Variants in ST7L observed in about 807,000 individuals in gnomAD.
ST7L encodes suppressor of tumorigenicity 7 protein-like.
A neutral mutation model predicts 72.5 loss-of-function variants in ST7L; 57 were observed. The ratio of observed to expected loss-of-function variants is 0.79; its 90% CI spans 0.64 to 0.98. The LOEUF is 0.98. Among genes scored for constraint, ST7L ranks in the 50% least tolerant of loss-of-function variants. The pLI is 0.00. For missense variants in ST7L, 576 were observed against 672.2 expected (o/e 0.86, Z 1.58); for synonymous variants, 221 against 240.9 (o/e 0.92, Z 0.77).
At chr1:112,564,928 A>G (rs904930156) in intron 11 of ST7L, among the ~76,000 whole-genome samples, 2 of 151,606 alleles carry the variant, frequency 1.3e-5, no homozygotes, top group Non-Finnish European at 2.9e-5. Context: ...CTTTCTATGT[A>G]TCAATTTATT....
intron 10 of ST7L, among the ~76,000 whole-genome samples, chr1:112,577,797 TAAAAATCTAAGGTGAAAGA>T (rs1453188909): frequency 6.6e-6 from 1 of 152,142 alleles, no homozygotes; most frequent in Non-Finnish European, 1.5e-5. Flanking sequence ...TATCAAAGCA[TAAAAATCTAAGGTGAAAGA>T]AAATGGCCAC....
At chr1:112,587,378 G>C (rs1027044755) in intron 6 of ST7L, among the ~76,000 whole-genome samples, 2 of 152,134 alleles carry the variant, frequency 1.3e-5, no homozygotes, top group African/African-American at 2.4e-5. Context: ...GAGGTGGGTG[G>C]ATCACCTGAT....
intron 10 of ST7L, among the ~76,000 whole-genome samples, chr1:112,577,530 C>CAAAAA (rs527682647): frequency 2.5e-4 from 6 of 24,072 alleles, no homozygotes; most frequent in South Asian, 1.3e-3. Flanking sequence ...AACTCTGTCT[C>CAAAAA]AAAAAAAAAA....
At chr1:112,565,173 T>C (rs903754545) in intron 11 of ST7L, among the ~76,000 whole-genome samples, 2 of 149,396 alleles carry the variant, frequency 1.3e-5, no homozygotes, top group African/African-American at 4.9e-5. Context: ...GCCTCCCAAG[T>C]AGCTGGGATT....
intron 11 of ST7L, among the ~76,000 whole-genome samples, chr1:112,569,407 A>C (rs1013135818): frequency 6.6e-6 from 1 of 152,250 alleles, no homozygotes; most frequent in Non-Finnish European, 1.5e-5. Flanking sequence ...CATATGCTAC[A>C]TTATGCTAAG....
chr1:112,600,611 A>T (rs571463284), intron 4 of ST7L, among the ~76,000 whole-genome samples, 183 bp downstream of exon 4: 4 of 147,036 alleles, frequency 2.7e-5, no homozygotes, highest in African/African-American at 5.0e-5. Context: ...AATTTTAATT[A>T]AAAAAAAAAA....
chr1:112,561,968 CT>C (rs35922454), intron 11 of ST7L, among the ~76,000 whole-genome samples: 4,581 of 136,742 alleles, frequency 0.034, 97 homozygotes, highest in African/African-American at 0.073. Flanking sequence ...TAAAACTTTA[CT>C]TTTTTTTTTT....
chr1:112,617,024 A>G, intron 1 of ST7L, 129 bp from the exon 2 acceptor site: 1 of 584,362 alleles, frequency 1.7e-6, no homozygotes. Flanking sequence ...ATTCACTTGA[A>G]AAAGTTTTAA....
intron 13 of ST7L, among the ~76,000 whole-genome samples, chr1:112,548,381 A>G (rs1657526274): frequency 6.6e-6 from 1 of 152,156 alleles, no homozygotes; most frequent in Admixed American, 6.5e-5. Context: ...AAAGAAGAGA[A>G]TCCTGGCCTT....
chr1:112,575,353 C>T (rs1042275333), intron 11 of ST7L, among the ~76,000 whole-genome samples: 1 of 152,120 alleles, frequency 6.6e-6, no homozygotes, highest in Admixed American at 6.5e-5. Context: ...CATGTTTTTT[C>T]CTCTAAATAT....
intron 1 of ST7L, 91 bp from the exon 2 acceptor site, chr1:112,616,986 C>T (rs1484500224): frequency 1.2e-6 from 1 of 811,602 alleles, no homozygotes; most frequent in African/African-American, 1.8e-5. Flanking sequence ...AGTGGTGGGA[C>T]TTAAGTAGTA....
chr1:112,611,265 A>C (rs1325580832), intron 2 of ST7L, among the ~76,000 whole-genome samples: 1 of 152,250 alleles, frequency 6.6e-6, no homozygotes, highest in Non-Finnish European at 1.5e-5. Flanking sequence ...AACAGAAAGA[A>C]GCATTTTAAT....
At chr1:112,614,941 A>T (rs75256019) in intron 2 of ST7L, among the ~76,000 whole-genome samples, 154 of 152,168 alleles carry the variant, frequency 1.0e-3, no homozygotes, top group African/African-American at 3.3e-3. Context: ...AAAATATTTT[A>T]TTTTTTTTAA....
chr1:112,587,473 C>T (rs1237205494), intron 6 of ST7L, among the ~76,000 whole-genome samples: 1 of 152,126 alleles, frequency 6.6e-6, no homozygotes, highest in Non-Finnish European at 1.5e-5. Context: ...TATGGTGGCA[C>T]GTGCCTGTAT....
At chr1:112,583,481 G>A (rs1317836109) in intron 7 of ST7L, among the ~76,000 whole-genome samples, 1 of 152,164 alleles carries the variant, frequency 6.6e-6, no homozygotes, top group East Asian at 1.9e-4. Context: ...AAGAATCAAT[G>A]CCAAGTATGA....
At chr1:112,526,251 T>C (rs1570820680) in intron 14 of ST7L, 140 bp from the exon 15 acceptor site, 1 of 1,096,890 alleles carries the variant, frequency 9.1e-7, no homozygotes. Flanking sequence ...TTTTGCCATT[T>C]CTGCCACTAT....
chr1:112,520,564 A>G (rs543868641), downstream of ST7L: 294 of 1,571,610 alleles, frequency 1.9e-4, no homozygotes, highest in Non-Finnish European at 2.5e-4. Flanking sequence ...TCAAAAGCAC[A>G]AGATCCTTGC....
chr1:112,560,310 C>T (rs1659902389), intron 11 of ST7L, among the ~76,000 whole-genome samples: 1 of 152,032 alleles, frequency 6.6e-6, no homozygotes, highest in African/African-American at 2.4e-5. Flanking sequence ...AGGAGAATGG[C>T]GTGAGCCCGG....
At chr1:112,601,592 T>C (rs1667404193) in intron 3 of ST7L, among the ~76,000 whole-genome samples, 1 of 152,138 alleles carries the variant, frequency 6.6e-6, no homozygotes, top group South Asian at 2.1e-4. Context: ...TTAAATTTGT[T>C]CTGGGAAAAT....
Sources: allele counts gnomAD v4.1 joint callset (sites outside exome capture counted in the v4.1 genomes callset), GRCh38; gene constraint gnomAD v4.1.1; transcripts MANE v1.5; gene names NCBI Gene and HGNC (gene_info 2026-07-23, HGNC 2026-07-21).